Variants in GPAT3 observed in about 807,000 individuals in gnomAD.
The protein encoded by GPAT3 is glycerol-3-phosphate acyltransferase 3.
Under a neutral mutation model 58.8 loss-of-function variants are expected in GPAT3, and 53 were observed. The ratio of observed to expected loss-of-function variants is 0.90; its 90% CI spans 0.72 to 1.13. GPAT3 has a LOEUF of 1.13. Among genes scored for constraint, GPAT3 ranks in the 50% most tolerant of loss-of-function variants. The pLI is 0.00. For missense variants in GPAT3, 511 were observed against 527.6 expected (o/e 0.97, Z 0.31); for synonymous variants, 197 against 187.4 (o/e 1.05, Z -0.42).
At chr4:83,556,725 G>A (rs1488463643) in intron 2 of GPAT3, among the ~76,000 whole-genome samples, 1 of 147,398 alleles carries the variant, frequency 6.8e-6, no homozygotes, top group African/African-American at 2.5e-5. Flanking sequence ...AGTTTTTGGA[G>A]AACTACTGGA....
chr4:83,586,680 T>A (rs1726386946), intron 3 of GPAT3, among the ~76,000 whole-genome samples: 1 of 152,248 alleles, frequency 6.6e-6, no homozygotes, highest in Non-Finnish European at 1.5e-5. Flanking sequence ...CTACTTTCCT[T>A]TTGAAGTCAT....
chr4:83,594,816 G>GT (rs1317757701), intron 6 of GPAT3, 29 bp from the exon 7 acceptor site: 13 of 1,597,736 alleles, frequency 8.1e-6, no homozygotes, highest in Non-Finnish European at 1.1e-5. Flanking sequence ...TGCCTTTTAC[G>GT]TTTTTTCCTT....
Position 83,598,728 on chromosome 4 carries a change from G to A in GPAT3, c.1205+5G>A, listed in dbSNP as rs762073096. The A allele has an allele frequency of 8.2e-6, 5 of 609,772 alleles. No individual in the cohort carries two copies. The highest frequency in any genetic ancestry group is 1.1e-5 in the Non-Finnish European group (4 of 371,664). The allele number at this position is 609,772 out of a possible 1,614,324, so 37.8% of individuals were successfully genotyped here. A position where few individuals can be genotyped will look rare whatever the true frequency, so the allele number is the denominator to read the frequency against. Reference sequence around the variant, plus strand: ...AGGCCTGACTGAACTTCCCTGGTAAGAGAACTTTCAGAAGTACTATCACTT... The same window carrying A: ...AGGCCTGACTGAACTTCCCTGGTAAAAGAACTTTCAGAAGTACTATCACTT... On this transcript the variant is annotated splice_donor_5th_base_variant and intron_variant, in intron 11 of 11. Coordinates refer to ENST00000264409, the MANE Select transcript of GPAT3 (RefSeq NM_032717.5).
intron 6 of GPAT3, among the ~76,000 whole-genome samples, chr4:83,594,486 A>G (rs137931737): frequency 1.9e-3 from 291 of 152,296 alleles, no homozygotes; most frequent in African/African-American, 6.8e-3. Flanking sequence ...TTATCCATAG[A>G]CTTATGTCAG....
intron 1 of GPAT3, among the ~76,000 whole-genome samples, chr4:83,542,740 A>G (rs142330945): frequency 0.015 from 2,246 of 152,268 alleles, 24 homozygotes; most frequent in Non-Finnish European, 0.024. Context: ...GGTCACACCT[A>G]TAATCCCAGC....
intron 2 of GPAT3, among the ~76,000 whole-genome samples, chr4:83,545,223 T>C (rs1008367520): frequency 3.3e-5 from 5 of 152,136 alleles, no homozygotes; most frequent in Non-Finnish European, 7.3e-5. Flanking sequence ...GGCAGATCGC[T>C]TGGGCTCAGG....
At chr4:83,597,011 A>G in intron 8 of GPAT3, 98 bp downstream of exon 8, 1 of 1,061,578 alleles carries the variant, frequency 9.4e-7, no homozygotes, top group Non-Finnish European at 1.4e-6. Flanking sequence ...ACCTTAGCCC[A>G]GATCTCTGCC....
intron 1 of GPAT3, among the ~76,000 whole-genome samples, chr4:83,540,003 C>G (rs1724235899): frequency 6.6e-6 from 1 of 151,902 alleles, no homozygotes. Flanking sequence ...ACTAAAAATA[C>G]AAAAATTAGC....
rs1727204967 is a variant in GPAT3 at position 83,605,061 on chromosome 4, T to G, written c.*294T>G. On this transcript the variant is annotated 3_prime_UTR_variant, in exon 12 of 12. Coordinates refer to ENST00000264409, the MANE Select transcript of GPAT3 (RefSeq NM_032717.5). ...AATGAAATATTTGTATAGAAAAAAGTGCTTGAAAAGTGTGTTTGGAACTCA... is the reference window on the plus strand; with the variant it reads ...AATGAAATATTTGTATAGAAAAAAGGGCTTGAAAAGTGTGTTTGGAACTCA... 1 of 228,846 alleles carries G rather than the reference T, an allele frequency of 4.4e-6. No homozygotes were observed. The allele number at this position is 228,846 out of a possible 1,614,324, so 14.2% of individuals were successfully genotyped here.
Position 83,596,886 on chromosome 4 carries a change from A to G in GPAT3, c.883A>G (p.Lys295Glu). The G allele has an allele frequency of 6.2e-7, 1 of 1,601,568 alleles. No individual in the cohort carries two copies. The change falls in exon 8 of 12, where the codon AAA (lysine) becomes GAA (glutamate). Residue 295 changes from lysine to glutamate, a missense_variant. Transcript: ENST00000264409. ...AAAAGAACATATTGCTGATAAGAAG[A>G]AACTACCCATACTAATTTTTCCTGA... The part of the protein sequence containing the change: ...RLKEHIADKK[K>E]LPILIFPEGT...
At chr4:83,574,624 ATTTTTTTTTTTTTTTTTTTTTTT>A (rs561972057) in intron 2 of GPAT3, among the ~76,000 whole-genome samples, 735 of 55,488 alleles carry the variant, frequency 0.013, 20 homozygotes, top group African/African-American at 0.027. Flanking sequence ...AGTAAAATGA[ATTTTTTTTTTTTTTTTTTTTTTT>A]TTTTTTTTTT....
rs189057352 is a variant in GPAT3 at position 83,559,468 on chromosome 4, C to T, written c.208+14866C>T. ...CCTCCCGAGTAGCTGGGATTACAGG[C>T]GCATGCTGCCACGCCTGGCTAATTT... On this transcript the variant is annotated intron_variant, in intron 2 of 11. Transcript: ENST00000264409. 4.4e-3 allele frequency among the ~76,000 whole-genome samples: 663 copies of T among 152,136 alleles called. 3 individuals carry two copies. Among genetic ancestry groups the T allele is most frequent in the Middle Eastern group, 0.01 (3 of 294 alleles).
chr4:83,535,632 G>T (rs930010463), upstream of GPAT3: 1 of 885,300 alleles, frequency 1.1e-6, no homozygotes, highest in Non-Finnish European at 1.4e-6. Flanking sequence ...TAGCCGCAGG[G>T]TTTCTGTGCC....
chr4:83,598,750 ACTTTTTT>A, intron 11 of GPAT3, 27 bp downstream of exon 11: 1 of 256,744 alleles, frequency 3.9e-6, no homozygotes, highest in Non-Finnish European at 6.2e-6. Context: ...AAGTACTATC[ACTTTTTT>A]TTTTTTTTTT....
Position 83,588,265 on chromosome 4 carries a change from C to G in GPAT3, c.610C>G (p.Arg204Gly). ...VHLTCCRICVRALSGTIHYHN... is the reference protein window; with the variant it reads ...VHLTCCRICVGALSGTIHYHN... ...TCTGACTTGCTGCCGGATCTGTGTG[C>G]GAGCCCTCTCTGGTACCATTCATTA... The change falls in exon 5 of 12, where the codon CGA becomes GGA. Residue 204 changes from arginine to glycine, a missense_variant. Physicochemically the swap from Arg to Gly is moderately radical, Grantham distance 125. Transcript: ENST00000264409. 6.2e-7 allele frequency: 1 copy of G among 1,613,692 alleles called. No individual in the cohort carries two copies. The highest frequency in any genetic ancestry group is 8.5e-7 in the Non-Finnish European group (1 of 1,179,842).
At chr4:83,551,813 A>AAAATCTATCTATCTATCTATCT (rs768726930) in intron 2 of GPAT3, among the ~76,000 whole-genome samples, 2,918 of 101,548 alleles carry the variant, frequency 0.029, 43 homozygotes, top group Middle Eastern at 0.051. Flanking sequence ...AAAAAAAAAA[A>AAAATCTATCTATCTATCTATCT]ATCTATCTAT....
At chr4:83,576,217 T>C (rs1725808553) in intron 2 of GPAT3, among the ~76,000 whole-genome samples, 1 of 152,200 alleles carries the variant, frequency 6.6e-6, no homozygotes, top group Non-Finnish European at 1.5e-5. Context: ...TCAAGTCTCT[T>C]ATCTAGTCTC....
chr4:83,563,763 G>A (rs1438104825), intron 2 of GPAT3, among the ~76,000 whole-genome samples: 1 of 152,140 alleles, frequency 6.6e-6, no homozygotes, highest in Non-Finnish European at 1.5e-5. Flanking sequence ...TTACAGGCAT[G>A]AGCCACTGTA....
At chr4:83,535,988 GC>G (rs1724063346), upstream of GPAT3, 1 of 985,316 alleles carries the variant, frequency 1.0e-6, no homozygotes, top group South Asian at 4.7e-5. Context: ...AACGGAGACC[GC>G]CCAGGAGGCT....
Sources: allele counts gnomAD v4.1 joint callset (sites outside exome capture counted in the v4.1 genomes callset), GRCh38; gene constraint gnomAD v4.1.1; transcripts MANE v1.5; gene names NCBI Gene and HGNC (gene_info 2026-07-23, HGNC 2026-07-21).